The following STAG2 variants were observed in gnomAD, a reference collection of about 807,000 sequenced individuals.
The protein encoded by STAG2 is cohesin subunit SA-2.
In STAG2, 14 loss-of-function variants were observed where a neutral mutation model predicts 108.1. The ratio of observed to expected loss-of-function variants is 0.13; its 90% CI spans 0.09 to 0.20. The LOEUF is 0.20. STAG2 is among the 10% of genes least tolerant of loss of function. The probability of loss-of-function intolerance (pLI) is 1.00; values close to 1 mark genes in which losing one functional copy is unlikely to be tolerated. For missense variants in STAG2, 440 were observed against 940.9 expected (o/e 0.47, Z 6.96); for synonymous variants, 307 against 302.7 (o/e 1.01, Z -0.15).
intron 1 of STAG2, among the ~76,000 whole-genome samples, chrX:123,981,289 A>G (rs1056085909): frequency 9.1e-6 from 1 of 110,264 alleles, no homozygotes; most frequent in Admixed American, 9.8e-5. Flanking sequence ...CCATTAAACA[A>G]TAGGGCCCTG....
At chrX:124,047,866 CATA>C (rs2057920191) in intron 9 of STAG2, among the ~76,000 whole-genome samples, 1 of 111,945 alleles carries the variant, frequency 8.9e-6, no homozygotes, top group Admixed American at 9.5e-5. Flanking sequence ...TGAAAAATAA[CATA>C]AGCTGTTTAT....
intron 1 of STAG2, among the ~76,000 whole-genome samples, chrX:123,992,241 C>T (rs1286899321): frequency 9.0e-6 from 1 of 111,156 alleles, no homozygotes; most frequent in African/African-American, 3.3e-5. Flanking sequence ...AAGTTGCAGA[C>T]ATTGGTGTAT....
At chrX:123,993,460 TGTGGCCACTG>T (rs2055578470) in intron 1 of STAG2, among the ~76,000 whole-genome samples, 1 of 110,493 alleles carries the variant, frequency 9.1e-6, no homozygotes, top group South Asian at 3.8e-4. Flanking sequence ...AGAAGAGTAG[TGTGGCCACTG>T]GTGGCTTATT....
intron 32 of STAG2, among the ~76,000 whole-genome samples, chrX:124,093,754 T>C (rs17330721): frequency 0.17 from 18,656 of 111,073 alleles, 1,235 homozygotes; most frequent in South Asian, 0.36. Context: ...GAAATTCTCA[T>C]TGAACCTTGT....
chrX:124,057,827 T>C lies in STAG2; in HGVS notation c.1305-39T>C, dbSNP rs749280749. On this transcript the variant is annotated intron_variant, in intron 14 of 34. Transcript: ENST00000371145. ...ATTTTTTTATTAGAAAATTTTTTGT[T>C]GTTGTTGTCGTAAAATAAATATTTT... The C allele has an allele frequency of 1.2e-5, 11 of 941,893 alleles. No individual in the cohort carries two copies. In the East Asian group the frequency reaches 3.0e-4, roughly 26 times the overall value. The allele number at this position is 941,893 out of a possible 1,213,427, so 77.6% of individuals were successfully genotyped here. A position where few individuals can be genotyped will look rare whatever the true frequency, so the allele number is the denominator to read the frequency against.
At chrX:124,010,187 T>C (rs1240825057) in intron 1 of STAG2, among the ~76,000 whole-genome samples, 1 of 111,587 alleles carries the variant, frequency 9.0e-6, no homozygotes, top group African/African-American at 3.3e-5. Flanking sequence ...AGTGTATAAT[T>C]GAGTAACGTT....
In STAG2 at chrX:123,968,399, C is replaced by G. The variant is rs940687993; in HGVS notation, c.-163+6543C>G. Among the ~76,000 whole-genome samples the G allele has an allele frequency of 4.5e-5, 5 of 112,176 alleles. No homozygotes were observed. The Admixed American group carries it at 4.7e-4, about 11-fold the overall frequency. ...AGTTGGCTGGGCGTGGTGACTCACCCTCTGAATCCCAGCACTTTGGTAGGC... is the reference window on the plus strand; with the variant it reads ...AGTTGGCTGGGCGTGGTGACTCACCGTCTGAATCCCAGCACTTTGGTAGGC... On this transcript the variant is annotated intron_variant, in intron 1 of 34. Transcript: ENST00000371145.
intron 7 of STAG2, among the ~76,000 whole-genome samples, chrX:124,044,194 C>T (rs1451994068): frequency 9.0e-6 from 1 of 110,901 alleles, no homozygotes; most frequent in Non-Finnish European, 1.9e-5. Flanking sequence ...AGAACTTTCT[C>T]ACTAAAAGGG....
At chrX:124,046,563 G>A (rs1215650321) in intron 8 of STAG2, among the ~76,000 whole-genome samples, 1 of 111,953 alleles carries the variant, frequency 8.9e-6, no homozygotes, top group Non-Finnish European at 1.9e-5. Flanking sequence ...TTTTATTGTT[G>A]TTGTATCATG....
intron 34 of STAG2, among the ~76,000 whole-genome samples, chrX:124,100,245 A>G (rs2059479925): frequency 9.0e-6 from 1 of 111,641 alleles, no homozygotes; most frequent in Non-Finnish European, 1.9e-5. Context: ...AAGCACATTC[A>G]TTTATTCATT....
intron 34 of STAG2, among the ~76,000 whole-genome samples, chrX:124,096,159 TTCTAAG>T (rs1007147406): frequency 9.6e-6 from 1 of 104,536 alleles, no homozygotes; most frequent in African/African-American, 3.4e-5. Context: ...TCACTTATCG[TTCTAAG>T]TCTTTTATTG....
At chrX:124,042,722 T>G in intron 7 of STAG2, 77 bp downstream of exon 7, 1 of 775,258 alleles carries the variant, frequency 1.3e-6, no homozygotes, top group East Asian at 3.3e-5. Flanking sequence ...TATTAAATTG[T>G]AAGCATTAGG....
intron 34 of STAG2, 125 bp downstream of exon 34, chrX:124,095,574 GA>G (rs2059356828): frequency 5.8e-6 from 3 of 514,524 alleles, no homozygotes; most frequent in East Asian, 7.2e-5. Context: ...GTGAGAAAAA[GA>G]GGCAGGCAGG....
At chrX:124,057,818 A>T in intron 14 of STAG2, 48 bp from the exon 15 acceptor site, 1 of 889,153 alleles carries the variant, frequency 1.1e-6, no homozygotes, top group Non-Finnish European at 1.5e-6. Flanking sequence ...TTATTAGAAA[A>T]TTTTTTGTTG....
At chrX:124,007,334 T>C (rs1163143876) in intron 1 of STAG2, among the ~76,000 whole-genome samples, 2 of 111,603 alleles carry the variant, frequency 1.8e-5, no homozygotes, top group East Asian at 5.6e-4. Context: ...TTCTTCTTTT[T>C]GTCCTTAAAA....
intron 30 of STAG2, among the ~76,000 whole-genome samples, chrX:124,087,694 C>T (rs909151798): frequency 1.2e-4 from 13 of 112,336 alleles, no homozygotes; most frequent in Admixed American, 9.4e-5. Context: ...GTAATTTCTG[C>T]CATATTCTAT....
At chrX:124,081,659 A>G (rs889512200) in intron 28 of STAG2, 131 bp downstream of exon 28, 4 of 493,524 alleles carry the variant, frequency 8.1e-6, no homozygotes, top group African/African-American at 7.5e-5. Context: ...TCTCTACCCT[A>G]TCTCCTTTCT....
intron 7 of STAG2, among the ~76,000 whole-genome samples, chrX:124,043,709 A>G (rs748881058): frequency 5.4e-5 from 6 of 111,861 alleles, no homozygotes; most frequent in Non-Finnish European, 9.4e-5. Flanking sequence ...GCAAAGGAGT[A>G]TATAGATACT....
chrX:124,019,149 C>T (rs766985257), intron 1 of STAG2, among the ~76,000 whole-genome samples: 1 of 105,669 alleles, frequency 9.5e-6, no homozygotes, highest in African/African-American at 3.5e-5. Flanking sequence ...CAAGCTCCAC[C>T]TTCCGGGTTC....
Sources: allele counts gnomAD v4.1 joint callset (sites outside exome capture counted in the v4.1 genomes callset), GRCh38; gene constraint gnomAD v4.1.1; transcripts MANE v1.5; gene names NCBI Gene and HGNC (gene_info 2026-07-23, HGNC 2026-07-21).